ERC1: variants seen among roughly 807,000 people sequenced by gnomAD.
The protein encoded by ERC1 is ELKS/RAB6-interacting/CAST family member 1.
ERC1 carries 56 observed loss-of-function variants against 132.0 expected under a neutral mutation model. That is an observed-to-expected ratio of 0.42 (90% CI 0.34 to 0.53). The LOEUF is 0.53. Ranked by LOEUF, ERC1 falls within the 20% of genes least tolerant of loss-of-function variation. ERC1 has a pLI of 0.03. For synonymous variants in ERC1, 478 were observed against 476.1 expected, an observed-to-expected ratio of 1.00 and a Z score of -0.05; for missense variants, 1,202 against 1,349.9, an observed-to-expected ratio of 0.89 and a Z score of 1.72.
intron 1 of ERC1, among the ~76,000 whole-genome samples, chr12:997,731 T>C (rs1961228607): frequency 6.6e-6 from 1 of 152,146 alleles, no homozygotes; most frequent in African/African-American, 2.4e-5. Context: ...TTGGGAATAG[T>C]GGTCTGGAAC....
intron 18 of ERC1, among the ~76,000 whole-genome samples, chr12:1,466,092 CG>C (rs1056558374): frequency 9.2e-5 from 14 of 152,136 alleles, no homozygotes; most frequent in Admixed American, 8.5e-4. Flanking sequence ...TTACCTTGCT[CG>C]GGACACCGTA....
At chr12:1,320,761 G>A (rs982724463) in intron 15 of ERC1, among the ~76,000 whole-genome samples, 4 of 152,186 alleles carry the variant, frequency 2.6e-5, no homozygotes, top group African/African-American at 9.7e-5. Flanking sequence ...GAGTGCAGTG[G>A]CACGATCTGG....
intron 12 of ERC1, among the ~76,000 whole-genome samples, chr12:1,222,171 G>A (rs1959047824): frequency 6.6e-6 from 1 of 151,248 alleles, no homozygotes; most frequent in Admixed American, 6.6e-5. Context: ...GTCTATTATT[G>A]ACCAAAGCAT....
intron 17 of ERC1, among the ~76,000 whole-genome samples, chr12:1,434,166 C>T (rs979690434): frequency 2.0e-5 from 3 of 152,094 alleles, no homozygotes; most frequent in Admixed American, 6.5e-5. Context: ...ATTTTCTAAA[C>T]ACCCGTAATA....
intron 16 of ERC1, among the ~76,000 whole-genome samples, chr12:1,403,962 C>CT (rs2091280046): frequency 6.6e-6 from 1 of 152,240 alleles, no homozygotes; most frequent in African/African-American, 2.4e-5. Context: ...TTCTATTTTC[C>CT]TTTTTTCTGA....
intron 15 of ERC1, among the ~76,000 whole-genome samples, chr12:1,322,267 A>G (rs980996079): frequency 2.0e-5 from 3 of 151,596 alleles, no homozygotes; most frequent in Non-Finnish European, 3.0e-5. Context: ...TGTACAGTAG[A>G]TAGTAGGCTC....
chr12:1,473,620 ACT>A (rs1305412035), intron 18 of ERC1, among the ~76,000 whole-genome samples: 4 of 115,278 alleles, frequency 3.5e-5, no homozygotes, highest in Non-Finnish European at 5.4e-5. Context: ...ACAGAGTGAG[ACT>A]CTATCTCAAA....
At chr12:1,298,542 C>CAAAA (rs759796167) in intron 15 of ERC1, among the ~76,000 whole-genome samples, 2 of 74,680 alleles carry the variant, frequency 2.7e-5, no homozygotes, top group African/African-American at 8.9e-5. Context: ...GACTCTGTCA[C>CAAAA]AAAAAAAAAA....
intron 15 of ERC1, among the ~76,000 whole-genome samples, chr12:1,307,302 T>C (rs2080955240): frequency 6.6e-6 from 1 of 152,250 alleles, no homozygotes; most frequent in Non-Finnish European, 1.5e-5. Flanking sequence ...GAATTTTCTT[T>C]CTTTTCAACT....
At chr12:1,110,006 C>T (rs967050334) in intron 4 of ERC1, among the ~76,000 whole-genome samples, 186 bp from the exon 5 acceptor site, 8 of 152,218 alleles carry the variant, frequency 5.3e-5, no homozygotes, top group South Asian at 2.1e-4. Context: ...AAGATTGCGT[C>T]ACTGCACTAG....
chr12:1,078,032 C>T (rs184157992), intron 2 of ERC1, among the ~76,000 whole-genome samples: 2 of 152,302 alleles, frequency 1.3e-5, no homozygotes, highest in Non-Finnish European at 2.9e-5. Flanking sequence ...GAACCAGACA[C>T]ACTAGTAGTT....
At chr12:1,322,072 C>T (rs1028317716) in intron 15 of ERC1, among the ~76,000 whole-genome samples, 3 of 147,216 alleles carry the variant, frequency 2.0e-5, no homozygotes, top group Admixed American at 2.0e-4. Flanking sequence ...GATAAGTAGT[C>T]ATCTGCTTTT....
intron 2 of ERC1, among the ~76,000 whole-genome samples, chr12:1,053,470 G>A (rs955306724): frequency 3.0e-4 from 45 of 152,156 alleles, no homozygotes; most frequent in African/African-American, 1.0e-3. Flanking sequence ...GCTAATGCTA[G>A]GATTCCCTGA....
At chr12:1,320,715 T>C (rs532137300) in intron 15 of ERC1, among the ~76,000 whole-genome samples, 1 of 152,214 alleles carries the variant, frequency 6.6e-6, no homozygotes, top group Non-Finnish European at 1.5e-5. Flanking sequence ...TTTTGTTGTT[T>C]TTTTGAGACG....
chr12:1,193,906 TAGAC>T (rs1419880846), intron 12 of ERC1, among the ~76,000 whole-genome samples: 2 of 152,164 alleles, frequency 1.3e-5, no homozygotes, highest in African/African-American at 4.8e-5. Context: ...CACTGTAACA[TAGAC>T]AAGTTAATAT....
chr12:1,355,631 G>A (rs1265149704), intron 15 of ERC1, among the ~76,000 whole-genome samples: 1 of 152,194 alleles, frequency 6.6e-6, no homozygotes, highest in Non-Finnish European at 1.5e-5. Flanking sequence ...GTATGCCAGA[G>A]GTAAAGTTTG....
chr12:1,193,777 A>T (rs61443055), intron 12 of ERC1, among the ~76,000 whole-genome samples: 1 of 152,120 alleles, frequency 6.6e-6, no homozygotes, highest in Non-Finnish European at 1.5e-5. Context: ...GGATTCATTT[A>T]TGTCCATTGG....
At chr12:1,034,703 G>A (rs1968731155) in intron 2 of ERC1, among the ~76,000 whole-genome samples, 1 of 152,164 alleles carries the variant, frequency 6.6e-6, no homozygotes, top group Admixed American at 6.5e-5. Flanking sequence ...ACTCAGAAAT[G>A]TCAATTTTAA....
intron 16 of ERC1, among the ~76,000 whole-genome samples, chr12:1,405,499 T>A (rs1308295250): frequency 3.3e-5 from 5 of 151,486 alleles, no homozygotes; most frequent in East Asian, 1.9e-4. Flanking sequence ...AGGTCAGGAG[T>A]TCGAGACCAG....
Sources: gnomAD v4.1 joint callset for allele counts (sites outside exome capture counted in the v4.1 genomes callset) on GRCh38, gnomAD v4.1.1 for gene constraint, MANE v1.5 for transcripts, NCBI Gene and HGNC (gene_info 2026-07-23, HGNC 2026-07-21) for gene names.